Variants in ITGAE observed in about 807,000 individuals in gnomAD.
ITGAE encodes integrin subunit alpha E.
ITGAE carries 99 observed loss-of-function variants against 136.5 expected under a neutral mutation model. The observed-to-expected ratio is 0.73, with a 90% CI of 0.62 to 0.86. The LOEUF (loss-of-function observed/expected upper bound fraction) is 0.86. Ranked by LOEUF, ITGAE falls within the 40% of genes least tolerant of loss-of-function variation. The pLI is 0.00. For missense variants in ITGAE, 1,447 were observed against 1,515.3 expected, an observed-to-expected ratio of 0.95 and a Z score of 0.75; for synonymous variants, 613 against 591.8, an observed-to-expected ratio of 1.04 and a Z score of -0.52.
At chr17:3,728,308 A>C (rs60628049) in intron 24 of ITGAE, 140 bp from the exon 25 acceptor site, 154,167 of 655,612 alleles carry the variant, frequency 0.24, 21,977 homozygotes, top group African/African-American at 0.57. Context: ...GGCTCAAGTG[A>C]TCCTCCACCT....
At position 3,777,611 on chromosome 17, in the gene ITGAE, G is replaced by A. The variant is rs1290187457; in HGVS notation, c.84C>T (p.Leu28=). 3.1e-6 allele frequency: 5 copies of A among 1,613,944 alleles called. No homozygotes were observed. The highest frequency in any genetic ancestry group is 1.3e-5 in the African/African-American group (1 of 74,936). ...CGAAAGGGGCACCTCCCTTGGGCGT[G>A]AGCCAGGGCCGGGCCACATCCACAT... ...AFNVDVARPW[L]TPKGGAPFVL... Residue 28 remains leucine (L), a synonymous_variant, in exon 2 of 31, where the codon CTC becomes CTT. Coordinates refer to ENST00000263087, the MANE Select transcript of ITGAE (RefSeq NM_002208.5).
chr17:3,800,550 A>G (rs1391059183), intron 1 of ITGAE, among the ~76,000 whole-genome samples: 11 of 151,850 alleles, frequency 7.2e-5, no homozygotes, highest in Non-Finnish European at 1.5e-4. Flanking sequence ...GGGACCCCCC[A>G]GGCAGCAGAA....
At chr17:3,730,865 T>C (rs1171563495) in intron 23 of ITGAE, among the ~76,000 whole-genome samples, 1 of 152,190 alleles carries the variant, frequency 6.6e-6, no homozygotes, top group African/African-American at 2.4e-5. Flanking sequence ...CCAGGGCTCA[T>C]TCCACCAGGC....
chr17:3,744,034 TCTCA>T (rs2051655163), intron 18 of ITGAE, among the ~76,000 whole-genome samples: 1 of 149,530 alleles, frequency 6.7e-6, no homozygotes, highest in South Asian at 2.1e-4. Flanking sequence ...TAAGATAAGG[TCTCA>T]CTCACTCTGT....
At chr17:3,722,586 TAC>T (rs1333688710) in intron 28 of ITGAE, 10 of 152,110 alleles carry the variant, frequency 6.6e-5, no homozygotes, top group African/African-American at 2.4e-4. Context: ...GAACAGCAAG[TAC>T]AAAGTCTTGT....
At chr17:3,717,085 T>C (rs546178190) in intron 29 of ITGAE, 4 of 309,078 alleles carry the variant, frequency 1.3e-5, no homozygotes, top group South Asian at 1.0e-4. Flanking sequence ...CTCTGACAGC[T>C]TGAAAGAGGG....
Position 3,716,753 on chromosome 17 carries a change from T to C in ITGAE, c.3379A>G (p.Ile1127Val), listed in dbSNP as rs770793667. Residue 1127 changes from isoleucine (I) to valine (V), a missense_variant, in exon 30 of 31, where the codon ATC (isoleucine) becomes GTC (valine). Physicochemically the swap from Ile to Val is conservative, Grantham distance 29. Coordinates refer to ENST00000263087, the MANE Select transcript of ITGAE (RefSeq NM_002208.5). ...CCACCAACGCTGCCTTTAATGATGATAGGCAAAGAATGGTACTTCTCATCT... is the reference window on the plus strand; with the variant it reads ...CCACCAACGCTGCCTTTAATGATGACAGGCAAAGAATGGTACTTCTCATCT... Reference protein sequence around the residue: ...LKDEKYHSLPIIIKGSVGGLL... With the variant: ...LKDEKYHSLPVIIKGSVGGLL... 7.5e-6 allele frequency: 12 copies of C among 1,609,936 alleles called. No homozygotes were observed. The highest frequency in any genetic ancestry group is 3.3e-5 in the South Asian group (3 of 90,984).
At position 3,801,129 on chromosome 17, in the gene ITGAE, T is replaced by G. The variant is rs1597383642; in HGVS notation, c.16A>C (p.Thr6Pro). 1 of 1,611,948 alleles carries G rather than the reference T, an allele frequency of 6.2e-7. No individual in the cohort carries two copies. The highest frequency in any genetic ancestry group is 8.5e-7 in the Non-Finnish European group (1 of 1,179,954). ...GACTTACTGGCTATGCAGAGCAGAGTGTGGAAGAGCCACATCCTTGCTGGA... is the reference window on the plus strand; with the variant it reads ...GACTTACTGGCTATGCAGAGCAGAGGGTGGAAGAGCCACATCCTTGCTGGA... MWLFH[T>P]LLCIASLALL... is the part of the protein sequence containing the mutation. Residue 6 changes from threonine (T) to proline (P), a missense_variant, in exon 1 of 31, where the codon ACT becomes CCT. Physicochemically the swap from Thr to Pro is conservative, Grantham distance 38. Transcript: ENST00000263087.
chr17:3,722,536 C>A (rs868594276), intron 28 of ITGAE: 3 of 151,672 alleles, frequency 2.0e-5, no homozygotes, highest in African/African-American at 7.3e-5. Context: ...GAAGAAACCA[C>A]CTACGTCAGG....
intron 1 of ITGAE, among the ~76,000 whole-genome samples, chr17:3,787,371 C>A (rs962784133): frequency 5.3e-5 from 8 of 152,216 alleles, no homozygotes; most frequent in South Asian, 2.1e-4. Context: ...CTCAGCCTCC[C>A]AAAGTGCTGG....
At chr17:3,795,049 G>A (rs1302264718) in intron 1 of ITGAE, among the ~76,000 whole-genome samples, 7 of 152,154 alleles carry the variant, frequency 4.6e-5, no homozygotes, top group Non-Finnish European at 8.8e-5. Context: ...CCCGTCTTTT[G>A]TGGCCCTGCT....
At chr17:3,776,321 G>C (rs1431098688) in intron 2 of ITGAE, among the ~76,000 whole-genome samples, 1 of 151,988 alleles carries the variant, frequency 6.6e-6, no homozygotes, top group East Asian at 1.9e-4. Context: ...GCCTCCCAAA[G>C]TGCTGGGATT....
At chr17:3,772,610 C>T (rs565400072) in intron 2 of ITGAE, among the ~76,000 whole-genome samples, 5 of 152,026 alleles carry the variant, frequency 3.3e-5, no homozygotes, top group Non-Finnish European at 5.9e-5. Flanking sequence ...ACTACAGGTG[C>T]GCGCCACCAC....
chr17:3,735,671 G>A (rs1006550090), intron 20 of ITGAE, among the ~76,000 whole-genome samples: 1 of 152,188 alleles, frequency 6.6e-6, no homozygotes, highest in Non-Finnish European at 1.5e-5. Flanking sequence ...GTTTAGCTTA[G>A]ACATTCTTCC....
At chr17:3,765,521 A>G (rs1334724654) in intron 2 of ITGAE, among the ~76,000 whole-genome samples, 4 of 152,054 alleles carry the variant, frequency 2.6e-5, no homozygotes, top group Non-Finnish European at 4.4e-5. Flanking sequence ...GGCTTACAGA[A>G]TAATAAGAAA....
chr17:3,738,236 T>C (rs958171698), intron 20 of ITGAE, among the ~76,000 whole-genome samples: 3 of 144,232 alleles, frequency 2.1e-5, no homozygotes, highest in African/African-American at 7.7e-5. Context: ...AGTGGAGCGA[T>C]CTCGGCTCAC....
At chr17:3,729,875 G>A (rs2915553) in intron 23 of ITGAE, among the ~76,000 whole-genome samples, 39,313 of 152,082 alleles carry the variant, frequency 0.26, 6,310 homozygotes, top group South Asian at 0.52. Context: ...GATTACAGGC[G>A]TGAGCCACTG....
chr17:3,789,455 CCCCT>C lies in ITGAE; in HGVS notation c.34+11652_34+11655del, dbSNP rs535855175. ...TTTTCCTTCCTTCCTTCCTTCCTCCCCCCTCCCTCCCTCCCTCCCTTCCCTCTCT... is the reference window on the plus strand; with the variant it reads ...TTTTCCTTCCTTCCTTCCTTCCTCCCCCCTCCCTCCCTCCCTTCCCTCTCT... On this transcript the variant is annotated intron_variant, in intron 1 of 30. Transcript: ENST00000263087. Among the ~76,000 whole-genome samples the C allele has an allele frequency of 1.7e-4, 25 of 149,154 alleles. No homozygotes were observed. In the South Asian group the frequency reaches 1.7e-3, roughly 10 times the overall value.
chr17:3,732,987 T>C (rs2051380421), intron 21 of ITGAE, among the ~76,000 whole-genome samples: 1 of 152,290 alleles, frequency 6.6e-6, no homozygotes. Context: ...TTTTTGCTTT[T>C]GTTTTCATTT....
Sources: gnomAD v4.1 joint callset for allele counts (sites outside exome capture counted in the v4.1 genomes callset) on GRCh38, gnomAD v4.1.1 for gene constraint, MANE v1.5 for transcripts, NCBI Gene and HGNC (gene_info 2026-07-23, HGNC 2026-07-21) for gene names.